Variants in DENND4B observed in about 807,000 individuals in gnomAD.
DENND4B encodes the protein DENN domain-containing protein 4B.
A neutral mutation model predicts 161.0 loss-of-function variants in DENND4B; 67 were observed. The observed-to-expected ratio is 0.42, with a 90% CI of 0.34 to 0.51. The LOEUF is 0.51. DENND4B is among the 20% of genes least tolerant of loss of function. The probability of loss-of-function intolerance (pLI) is 0.08; values close to 1 mark genes in which losing one functional copy is unlikely to be tolerated. For synonymous variants in DENND4B, 753 were observed against 813.8 expected (o/e 0.93, Z 1.27); for missense variants, 1,481 against 1,968.0 (o/e 0.75, Z 4.68).
chr1:153,930,816 C>T lies in DENND4B; in HGVS notation c.4156G>A (p.Ala1386Thr), dbSNP rs761366115. 1.2e-5 allele frequency: 20 copies of T among 1,603,844 alleles called. No individual in the cohort carries two copies. Among genetic ancestry groups the T allele is most frequent in the South Asian group, 2.2e-5 (2 of 89,202 alleles). ...TCCAACAGTGCCAAACTAAGGGATG[C>T]AGGTACAGGGCCTGGCCATACCACC... ...QRVVWPGPVP[A>T]SLSLALLESV... is the part of the protein sequence containing the mutation. Residue 1386 changes from alanine (A) to threonine (T), a missense_variant, in exon 26 of 28, where the codon GCA becomes ACA. Ala to Thr is a moderately conservative substitution (Grantham distance 58, BLOSUM62 0). Transcript: ENST00000361217. The surrounding 1 kb of genome is among the most constrained non-coding windows in gnomAD (Gnocchi z 4.7).
At chr1:153,938,087 C>T (rs1288106777) in intron 13 of DENND4B, among the ~76,000 whole-genome samples, 1 of 152,196 alleles carries the variant, frequency 6.6e-6, no homozygotes, top group Non-Finnish European at 1.5e-5. Context: ...CCATCCCAGT[C>T]ACAGTTAAGA....
chr1:153,932,166 A>G lies in DENND4B; in HGVS notation c.3996+38T>C. On this transcript the variant is annotated intron_variant, in intron 24 of 27. Coordinates refer to ENST00000361217, the MANE Select transcript of DENND4B (RefSeq NM_014856.3). The surrounding 1 kb of genome is among the most constrained non-coding windows in gnomAD (Gnocchi z 5.8). Reference sequence around the variant, plus strand: ...TGGACAAATGGCTGAGAGATGAGGGAGGCACTTAGGAAACAGGGGCCACAT... The same window carrying G: ...TGGACAAATGGCTGAGAGATGAGGGGGGCACTTAGGAAACAGGGGCCACAT... 1 of 1,556,808 alleles carries G rather than the reference A, an allele frequency of 6.4e-7. No homozygotes were observed. The highest frequency in any genetic ancestry group is 8.8e-7 in the Non-Finnish European group (1 of 1,135,214).
Position 153,937,629 on chromosome 1 carries a change from A to G in DENND4B, c.2106-15T>C. ...ATCCATCATAGCTGGAGGGGCAGAG[A>G]GAAGCAACATCGGGGCAGTCAGCAC... On this transcript the variant is annotated splice_polypyrimidine_tract_variant and intron_variant, in intron 14 of 27. Transcript: ENST00000361217. The surrounding 1 kb of genome is among the most constrained non-coding windows in gnomAD (Gnocchi z 4.7). 6.2e-7 allele frequency: 1 copy of G among 1,611,778 alleles called. No homozygotes were observed. The highest frequency in any genetic ancestry group is 8.5e-7 in the Non-Finnish European group (1 of 1,178,364).
chr1:153,935,871 A>G lies in DENND4B; in HGVS notation c.2568+189T>C, dbSNP rs974520418. ...GTAGGCAGGGCTGTCATGAGTGGGA[A>G]TCAAAGCAGCCTCGTCTGAGAAACT... On this transcript the variant is annotated intron_variant, in intron 17 of 27. Coordinates refer to ENST00000361217, the MANE Select transcript of DENND4B (RefSeq NM_014856.3). 9 of 661,442 alleles carry G rather than the reference A, an allele frequency of 1.4e-5. No individual in the cohort carries two copies. The African/African-American group carries it at 1.5e-4, about 11-fold the overall frequency. 41.0% of individuals were successfully genotyped at this position (661,442 alleles called of 1,614,324 possible). A position where few individuals can be genotyped will look rare whatever the true frequency, so the allele number is the denominator to read the frequency against.
At chr1:153,945,799 G>A (rs1679928131) in intron 1 of DENND4B, among the ~76,000 whole-genome samples, 1 of 152,222 alleles carries the variant, frequency 6.6e-6, no homozygotes, top group Admixed American at 6.5e-5. Context: ...CCATCCGCAG[G>A]ACCTGCGCAC....
At chr1:153,935,780 T>C (rs1437896548) in intron 17 of DENND4B, 1 of 365,978 alleles carries the variant, frequency 2.7e-6, no homozygotes, top group Non-Finnish European at 5.2e-6. Context: ...GTCGTGAAGA[T>C]AAAATGATGT....
chr1:153,942,414 G>C lies in DENND4B; in HGVS notation c.641-58C>G. 6.3e-7 allele frequency: 1 copy of C among 1,589,882 alleles called. No individual in the cohort carries two copies. Among genetic ancestry groups the C allele is most frequent in the South Asian group, 1.1e-5 (1 of 88,542 alleles). On this transcript the variant is annotated intron_variant, in intron 4 of 27. Transcript: ENST00000361217. The surrounding 1 kb of genome is among the most constrained non-coding windows in gnomAD (Gnocchi z 6.9). ...AGGAGCAGGGTCCATCAGACTCCAA[G>C]GGAAATGAACCAAGGGATCCCAGAG... is the stretch of plus-strand genomic sequence containing the variant.
chr1:153,933,829 A>G lies in DENND4B; in HGVS notation c.2984T>C (p.Val995Ala). The change falls in exon 20 of 28, where the codon GTG (valine) becomes GCG (alanine). Residue 995 changes from valine to alanine, a missense_variant. By Grantham distance (64) the Val-to-Ala change is moderately conservative. Transcript: ENST00000361217. The surrounding 1 kb of genome is among the most constrained non-coding windows in gnomAD (Gnocchi z 5.7). ...LGVLEPRGSPVPWHDGSLSDL... is the reference protein window; with the variant it reads ...LGVLEPRGSPAPWHDGSLSDL... Reference sequence around the variant, plus strand: ...TGAGAGACTTCCATCGTGCCAGGGCACAGGTGATCCCCGGGGTTCCAGGAC... The same window carrying G: ...TGAGAGACTTCCATCGTGCCAGGGCGCAGGTGATCCCCGGGGTTCCAGGAC... The G allele has an allele frequency of 6.2e-7, 1 of 1,613,322 alleles. No homozygotes were observed. Among genetic ancestry groups the G allele is most frequent in the Non-Finnish European group, 8.5e-7 (1 of 1,179,794 alleles).
In DENND4B at chr1:153,933,798, C is replaced by T. The variant is rs780128228; in HGVS notation, c.3015G>A (p.Leu1005=). 3.7e-6 allele frequency: 6 copies of T among 1,612,592 alleles called. No homozygotes were observed. The Admixed American group carries it at 5.0e-5, about 13-fold the overall frequency. Residue 1005 remains leucine, a synonymous_variant, in exon 20 of 28, where the codon CTG becomes CTA. Coordinates refer to ENST00000361217, the MANE Select transcript of DENND4B (RefSeq NM_014856.3). The surrounding 1 kb of genome is among the most constrained non-coding windows in gnomAD (Gnocchi z 5.7). The part of the protein sequence containing the change: ...VPWHDGSLSD[L]SLTGEEPLPG... The stretch of plus-strand genomic sequence containing the variant: ...GGAGCGGCTCCTCCCCTGTCAGGCT[C>T]AGGTCTGAGAGACTTCCATCGTGCC...
Position 153,936,608 on chromosome 1 carries a change from C to G in DENND4B, c.2373G>C (p.Gln791His), listed in dbSNP as rs1171655953. 1.9e-6 allele frequency: 3 copies of G among 1,612,634 alleles called. No homozygotes were observed. The South Asian group carries it at 3.3e-5, about 18-fold the overall frequency. ...AYVRSAPSRV[Q>H]ALHTAYHVLR... The stretch of plus-strand genomic sequence containing the variant: ...GCACATGGTAGGCTGTGTGCAGTGC[C>G]TGCACTCGGGAGGGTGCCGACCGCA... The change falls in exon 16 of 28, where the codon CAG becomes CAC. Residue 791 changes from glutamine to histidine, a missense_variant. Gln to His is a conservative substitution (Grantham distance 24). This residue lies in a region of DENND4B where 806 missense variants were observed against 1,134.4 expected (regional missense o/e 0.71). Transcript: ENST00000361217. This position sits in a 1 kb window ranked among gnomAD's most constrained non-coding sequence, Gnocchi z 4.1.
At position 153,932,621 on chromosome 1, in the gene DENND4B, C is replaced by A. The variant is rs766775780; in HGVS notation, c.3759+21G>T. ...CAGGGCAACATTCCCGTTCCTCATG[C>A]CCCTTTGGCCCAGCCCTTACCCCCA... On this transcript the variant is annotated intron_variant, in intron 23 of 27. Coordinates refer to ENST00000361217, the MANE Select transcript of DENND4B (RefSeq NM_014856.3). The surrounding 1 kb of genome is among the most constrained non-coding windows in gnomAD (Gnocchi z 5.8). 25 of 1,603,228 alleles carry A rather than the reference C, an allele frequency of 1.6e-5. No homozygotes were observed. Among genetic ancestry groups the A allele is most frequent in the Non-Finnish European group, 2.1e-5 (25 of 1,173,254 alleles).
At chr1:153,945,741 AG>A (rs761126878) in intron 1 of DENND4B, among the ~76,000 whole-genome samples, 3 of 152,238 alleles carry the variant, frequency 2.0e-5, no homozygotes, top group Non-Finnish European at 2.9e-5. Flanking sequence ...CCAAGGCAGC[AG>A]GCAGAGGCCA....
Position 153,944,991 on chromosome 1 carries a change from C to T in DENND4B, c.-23-594G>A. ...CTAGCTTAACTCCACCAATCTGGCC[C>T]AAAATCCAGTGTTCTCACACCTCCA... is the stretch of plus-strand genomic sequence containing the variant. On this transcript the variant is annotated intron_variant, in intron 1 of 27. Coordinates refer to ENST00000361217, the MANE Select transcript of DENND4B (RefSeq NM_014856.3). This position sits in a 1 kb window ranked among gnomAD's most constrained non-coding sequence, Gnocchi z 4.8. The T allele has an allele frequency of 1.1e-6, 1 of 948,738 alleles. No homozygotes were observed. Among genetic ancestry groups the T allele is most frequent in the Non-Finnish European group, 1.4e-6 (1 of 724,624 alleles). The allele number at this position is 948,738 out of a possible 1,614,324, so 58.8% of individuals were successfully genotyped here. A position where few individuals can be genotyped will look rare whatever the true frequency, so the allele number is the denominator to read the frequency against.
rs1323376666 is a variant in DENND4B at position 153,937,682 on chromosome 1, T to C, written c.2105+42A>G. 1.9e-6 allele frequency: 3 copies of C among 1,613,628 alleles called. No homozygotes were observed. Among genetic ancestry groups the C allele is most frequent in the Admixed American group, 3.3e-5 (2 of 60,006 alleles). ...GGCGAAGCGAGTTGGACTGGACCAG[T>C]CTATGGGACCCTGGAACATGTGAAG... On this transcript the variant is annotated intron_variant, in intron 14 of 27. Coordinates refer to ENST00000361217, the MANE Select transcript of DENND4B (RefSeq NM_014856.3). This position sits in a 1 kb window ranked among gnomAD's most constrained non-coding sequence, Gnocchi z 4.7.
At position 153,937,047 on chromosome 1, in the gene DENND4B, A is replaced by G. The variant is rs1679385476; in HGVS notation, c.2233-299T>C. Among the ~76,000 whole-genome samples, 1 of 152,212 alleles carries G rather than the reference A, an allele frequency of 6.6e-6. No individual in the cohort carries two copies. Among genetic ancestry groups the G allele is most frequent in the African/African-American group, 2.4e-5 (1 of 41,442 alleles). On this transcript the variant is annotated intron_variant, in intron 15 of 27. Transcript: ENST00000361217. The surrounding 1 kb of genome is among the most constrained non-coding windows in gnomAD (Gnocchi z 4.7). ...TGGGCGCAAGTGATCTGCCTGCCTCAGCCTCCCAAAATGCTGGGATTAAAG... is the reference window on the plus strand; with the variant it reads ...TGGGCGCAAGTGATCTGCCTGCCTCGGCCTCCCAAAATGCTGGGATTAAAG...
intron 13 of DENND4B, 147 bp from the exon 14 acceptor site, chr1:153,938,010 T>A: frequency 8.8e-7 from 1 of 1,135,772 alleles, no homozygotes; most frequent in Non-Finnish European, 1.3e-6. Flanking sequence ...GGGAGGACAG[T>A]ACATTACATG....
At chr1:153,935,680 C>T (rs1226853434) in intron 17 of DENND4B, among the ~76,000 whole-genome samples, 1 of 152,222 alleles carries the variant, frequency 6.6e-6, no homozygotes, top group East Asian at 1.9e-4. Flanking sequence ...AACTTCTTTG[C>T]TGCGGGACCT....
In DENND4B at chr1:153,934,368, AGC is replaced by A. The variant is rs1679191064; in HGVS notation, c.2774-68_2774-67del. 13 of 1,513,346 alleles carry A rather than the reference AGC, an allele frequency of 8.6e-6. No homozygotes were observed. The highest frequency in any genetic ancestry group is 1.1e-5 in the Non-Finnish European group (12 of 1,134,540). 93.7% of individuals were successfully genotyped at this position (1,513,346 alleles called of 1,614,324 possible). A position where few individuals can be genotyped will look rare whatever the true frequency, so the allele number is the denominator to read the frequency against. On this transcript the variant is annotated intron_variant, in intron 18 of 27. Coordinates refer to ENST00000361217, the MANE Select transcript of DENND4B (RefSeq NM_014856.3). The surrounding 1 kb of genome is among the most constrained non-coding windows in gnomAD (Gnocchi z 5.3). ...AACCCAGTCCCCTGTTCCAAAATAG[AGC>A]TCCTTAGATGGACCAGGGTTTGCAG...
At position 153,936,398 on chromosome 1, in the gene DENND4B, A is replaced by G. The variant is rs1456726482; in HGVS notation, c.2439+144T>C. On this transcript the variant is annotated intron_variant, in intron 16 of 27. Coordinates refer to ENST00000361217, the MANE Select transcript of DENND4B (RefSeq NM_014856.3). This position sits in a 1 kb window ranked among gnomAD's most constrained non-coding sequence, Gnocchi z 4.1. ...AACCCTGAACATGCTTATTCACTCG[A>G]CGAATGTTTATAGATAATCTGCCCA... 3 of 1,146,956 alleles carry G rather than the reference A, an allele frequency of 2.6e-6. No homozygotes were observed. The highest frequency in any genetic ancestry group is 3.7e-6 in the Non-Finnish European group (3 of 820,036). The allele number at this position is 1,146,956 out of a possible 1,614,324, so 71.0% of individuals were successfully genotyped here.
Sources: allele counts gnomAD v4.1 joint callset (sites outside exome capture counted in the v4.1 genomes callset), GRCh38; gene constraint gnomAD v4.1.1; regional missense constraint gnomAD v4.1.1; non-coding constraint Gnocchi (gnomAD v3.1); transcripts MANE v1.5; gene names NCBI Gene and HGNC (gene_info 2026-07-23, HGNC 2026-07-21).